The following SEMA3A variants were observed in gnomAD, a reference collection of about 807,000 sequenced individuals.
SEMA3A encodes semaphorin-3A.
Under a neutral mutation model 97.9 loss-of-function variants are expected in SEMA3A, and 29 were observed. The ratio of observed to expected loss-of-function variants is 0.30; its 90% CI spans 0.22 to 0.40. The LOEUF is 0.40. Among genes scored for constraint, SEMA3A ranks in the 10% least tolerant of loss-of-function variants. SEMA3A has a pLI of 1.00. For missense variants in SEMA3A, 763 were observed against 951.3 expected (o/e 0.80, Z 2.60); for synonymous variants, 321 against 323.7 (o/e 0.99, Z 0.09).
At chr7:84,403,496 A>G (rs1025984440) in intron 1 of SEMA3A, among the ~76,000 whole-genome samples, 1 of 152,192 alleles carries the variant, frequency 6.6e-6, no homozygotes, top group African/African-American at 2.4e-5. Context: ...AAAAGATAGC[A>G]ATAACCTCTG....
chr7:84,407,967 T>C (rs567907163), intron 1 of SEMA3A, among the ~76,000 whole-genome samples: 4 of 152,264 alleles, frequency 2.6e-5, no homozygotes, highest in African/African-American at 7.2e-5. Context: ...GCATTACCAT[T>C]CAGGACATAA....
chr7:84,139,223 C>T (rs1337667186), intron 1 of SEMA3A, among the ~76,000 whole-genome samples: 2 of 152,014 alleles, frequency 1.3e-5, no homozygotes, highest in East Asian at 1.9e-4. Context: ...TTTTAAAAAA[C>T]AAGCTAAGTT....
chr7:84,231,689 A>G (rs1799119739), intron 3 of SEMA3A, among the ~76,000 whole-genome samples: 1 of 151,940 alleles, frequency 6.6e-6, no homozygotes, highest in African/African-American at 2.4e-5. Context: ...TGAGGCCAGA[A>G]GGGAATGGAA....
intron 3 of SEMA3A, among the ~76,000 whole-genome samples, chr7:84,244,676 A>C (rs1799440324): frequency 6.6e-6 from 1 of 152,152 alleles, no homozygotes; most frequent in Non-Finnish European, 1.5e-5. Context: ...CAGTTCCTTC[A>C]TAGCCTTGAT....
At chr7:84,007,290 A>G in intron 10 of SEMA3A, 63 bp downstream of exon 10, 4 of 1,364,006 alleles carry the variant, frequency 2.9e-6, no homozygotes, top group Non-Finnish European at 4.0e-6. Context: ...CTGTAGCTGC[A>G]TTGTTTTTTG....
chr7:84,273,464 G>A (rs1262673569), intron 3 of SEMA3A, among the ~76,000 whole-genome samples: 3 of 152,066 alleles, frequency 2.0e-5, no homozygotes, highest in Non-Finnish European at 2.9e-5. Context: ...ACATTTTAGC[G>A]CATGAATGCA....
intron 2 of SEMA3A, among the ~76,000 whole-genome samples, chr7:84,329,625 G>A (rs912114577): frequency 6.6e-6 from 1 of 151,990 alleles, no homozygotes; most frequent in Non-Finnish European, 1.5e-5. Context: ...TGAACAATTA[G>A]ATCATGTGAC....
chr7:83,978,178 G>A (rs1270691262), intron 14 of SEMA3A, among the ~76,000 whole-genome samples: 2 of 152,076 alleles, frequency 1.3e-5, no homozygotes, highest in East Asian at 1.9e-4. Flanking sequence ...TACCTGTGAA[G>A]TGAATAAAAG....
At chr7:83,972,636 C>T (rs1788964583) in intron 15 of SEMA3A, among the ~76,000 whole-genome samples, 2 of 151,938 alleles carry the variant, frequency 1.3e-5, no homozygotes, top group African/African-American at 2.4e-5. Flanking sequence ...ATGAAAATAC[C>T]ATCCTGTATT....
Position 84,001,856 on chromosome 7 carries a change from A to G in SEMA3A, c.1452+99T>C. The stretch of plus-strand genomic sequence containing the variant: ...TGACAAGCTAATTAGAAGGGTATGT[A>G]TGCTAGACTACTTGTCCATACCAAG... On this transcript the variant is annotated intron_variant, in intron 12 of 16. Transcript: ENST00000265362. 5.6e-6 allele frequency: 4 copies of G among 717,574 alleles called. No individual in the cohort carries two copies. The Admixed American group carries it at 7.8e-5, about 14-fold the overall frequency. 44.5% of individuals were successfully genotyped at this position (717,574 alleles called of 1,614,324 possible). A position where few individuals can be genotyped will look rare whatever the true frequency, so the allele number is the denominator to read the frequency against.
chr7:84,219,449 T>C (rs1798824390), intron 3 of SEMA3A, among the ~76,000 whole-genome samples: 1 of 152,176 alleles, frequency 6.6e-6, no homozygotes, highest in African/African-American at 2.4e-5. Flanking sequence ...TGAGGAAGTC[T>C]GGCCTCATCA....
chr7:84,108,252 G>C (rs761328151), intron 4 of SEMA3A, among the ~76,000 whole-genome samples: 1 of 151,886 alleles, frequency 6.6e-6, no homozygotes, highest in Non-Finnish European at 1.5e-5. Flanking sequence ...TAAGCAGCTA[G>C]TACCAAGCTG....
At chr7:84,098,011 G>A (rs913703308) in intron 4 of SEMA3A, among the ~76,000 whole-genome samples, 1 of 151,988 alleles carries the variant, frequency 6.6e-6, no homozygotes. Context: ...CTTACAGCTA[G>A]GGATAGCTTG....
In SEMA3A at chr7:84,008,266, C is replaced by T. The variant is rs978251380; in HGVS notation, c.996-769G>A. On this transcript the variant is annotated intron_variant, in intron 9 of 16. Transcript: ENST00000265362. ...CGGCACTTTGGGAGGCCAAGGCGGG[C>T]GGATCACAAGGTCAAGAGATCGAGA... Among the ~76,000 whole-genome samples, 9 of 152,108 alleles carry T rather than the reference C, an allele frequency of 5.9e-5. No homozygotes were observed. In the East Asian group the frequency reaches 1.2e-3, roughly 20 times the overall value.
intron 4 of SEMA3A, among the ~76,000 whole-genome samples, chr7:84,091,163 GGAAGGAAAGAAAGAAAGAAA>G (rs1300666549): frequency 7.8e-4 from 20 of 25,680 alleles, no homozygotes; most frequent in African/African-American, 2.3e-3. Flanking sequence ...AAGGAAGGAA[GGAAGGAAAGAAAGAAAGAAA>G]GAAAGAAAGA....
intron 2 of SEMA3A, among the ~76,000 whole-genome samples, chr7:84,308,784 T>G (rs754184938): frequency 6.6e-6 from 1 of 151,820 alleles, no homozygotes; most frequent in South Asian, 2.1e-4. Flanking sequence ...CCATTCTCAG[T>G]GACTTAAGTG....
At chr7:84,444,665 C>A (rs550809754) in intron 1 of SEMA3A, among the ~76,000 whole-genome samples, 43 of 151,694 alleles carry the variant, frequency 2.8e-4, no homozygotes, top group African/African-American at 9.9e-4. Context: ...GGCTTCACGC[C>A]ATTCTCCTGC....
At chr7:84,196,548 C>T (rs953440483), upstream of SEMA3A, among the ~76,000 whole-genome samples, 2 of 152,160 alleles carry the variant, frequency 1.3e-5, no homozygotes, top group African/African-American at 4.8e-5. Context: ...TGTCAGTTTC[C>T]TCAAGCCTAT....
chr7:83,968,558 C>T (rs75950464), intron 15 of SEMA3A, among the ~76,000 whole-genome samples: 3,003 of 152,154 alleles, frequency 0.02, 91 homozygotes, highest in African/African-American at 0.068. Flanking sequence ...TGAAAAAAAG[C>T]AGTTAGACAA....
Sources: allele counts gnomAD v4.1 joint callset (sites outside exome capture counted in the v4.1 genomes callset), GRCh38; gene constraint gnomAD v4.1.1; transcripts MANE v1.5; gene names NCBI Gene and HGNC (gene_info 2026-07-23, HGNC 2026-07-21).